The following DYSF variants were observed in gnomAD, a reference collection of about 807,000 sequenced individuals.
DYSF encodes the protein dysferlin.
A neutral mutation model predicts 274.9 loss-of-function variants in DYSF; 212 were observed. The ratio of observed to expected loss-of-function variants is 0.77; its 90% confidence interval spans 0.69 to 0.86. The LOEUF is 0.86. Ranked by LOEUF, DYSF falls within the 40% of genes least tolerant of loss-of-function variation. The probability of loss-of-function intolerance (pLI) is 0.00; values close to 1 mark genes in which losing one functional copy is unlikely to be tolerated. For synonymous variants in DYSF, 1,091 were observed against 1,078.7 expected (o/e 1.01, Z -0.22); for missense variants, 2,666 against 2,783.2 (o/e 0.96, Z 0.95).
chr2:71,568,304 TG>T lies in DYSF; in HGVS notation c.2833del (p.Ala945LeufsTer21), dbSNP rs727503909. 8.7e-6 allele frequency: 14 copies of T among 1,614,056 alleles called. No individual in the cohort carries two copies. The Admixed American group carries it at 2.0e-4, about 23-fold the overall frequency. On this transcript the variant is annotated frameshift_variant, in exon 26 of 56. Coordinates refer to ENST00000410020, the MANE Select transcript of DYSF (RefSeq NM_001130987.2). LOFTEE classifies it high-confidence loss of function. ...CTTCCGCCCCTCGGCCGGCTGGACC[TG>T]GGCTGGAGATTGGTTCGTGTGTCCG... ...DSFRPSAGWT[W>X]AGDWFVCPEK...
intron 22 of DYSF, among the ~76,000 whole-genome samples, chr2:71,558,845 C>T (rs1479896279): frequency 6.6e-6 from 1 of 152,098 alleles, no homozygotes; most frequent in Non-Finnish European, 1.5e-5. Context: ...GCAGCAGGAG[C>T]AATTCGCTCA....
chr2:71,459,821 C>T (rs1200199611), intron 1 of DYSF, among the ~76,000 whole-genome samples: 3 of 152,148 alleles, frequency 2.0e-5, no homozygotes, highest in Non-Finnish European at 2.9e-5. Flanking sequence ...CAGCACCTGT[C>T]ATCAGTGACT....
chr2:71,582,740 C>A (rs1465230272), intron 30 of DYSF, among the ~76,000 whole-genome samples: 1 of 152,126 alleles, frequency 6.6e-6, no homozygotes, highest in Non-Finnish European at 1.5e-5. Context: ...CCTGCCATGA[C>A]CAATTTCAAG....
chr2:71,591,454 G>C (rs541645347), intron 32 of DYSF, among the ~76,000 whole-genome samples: 1 of 152,370 alleles, frequency 6.6e-6, no homozygotes, highest in East Asian at 1.9e-4. Flanking sequence ...GATGGCTAAA[G>C]AACAAACACT....
intron 41 of DYSF, among the ~76,000 whole-genome samples, chr2:71,627,630 T>TTG (rs1365604412): frequency 6.6e-6 from 1 of 152,104 alleles, no homozygotes; most frequent in African/African-American, 2.4e-5. Context: ...CTCCTGATTT[T>TTG]TGTGTGTGTG....
chr2:71,564,276 C>G, intron 24 of DYSF, 63 bp downstream of exon 24: 14 of 1,600,326 alleles, frequency 8.7e-6, no homozygotes, highest in Non-Finnish European at 1.2e-5. Flanking sequence ...TTTCTCCCAT[C>G]TCTTCTGTTT....
chr2:71,661,190 C>T (rs2094875362), intron 45 of DYSF, among the ~76,000 whole-genome samples: 1 of 134,730 alleles, frequency 7.4e-6, no homozygotes, highest in Non-Finnish European at 1.6e-5. Flanking sequence ...TTTGCTAATT[C>T]TTTTTTTTTT....
At position 71,680,989 on chromosome 2, in the gene DYSF, C is replaced by CT. The variant is rs772475009; in HGVS notation, c.6064-11dup. 3.7e-6 allele frequency: 6 copies of CT among 1,613,592 alleles called. No individual in the cohort carries two copies. Among genetic ancestry groups the CT allele is most frequent in the Non-Finnish European group, 4.2e-6 (5 of 1,179,812 alleles). On this transcript the variant is annotated splice_polypyrimidine_tract_variant and intron_variant, in intron 53 of 55. Coordinates refer to ENST00000410020, the MANE Select transcript of DYSF (RefSeq NM_001130987.2). ...CTTCGTGCCCCTAACCAAGTGCTCT[C>CT]TGTCCCCTCAGGGCAAGCTGGAAAT...
chr2:71,501,437 A>G (rs770559661), intron 3 of DYSF, among the ~76,000 whole-genome samples: 35 of 152,212 alleles, frequency 2.3e-4, no homozygotes, highest in Non-Finnish European at 5.0e-4. Flanking sequence ...CATAAACGCT[A>G]CCATTTTAAC....
intron 33 of DYSF, among the ~76,000 whole-genome samples, chr2:71,600,127 G>T (rs978429264): frequency 2.0e-5 from 3 of 152,226 alleles, no homozygotes; most frequent in Non-Finnish European, 4.4e-5. Context: ...GCCCTGAGGG[G>T]GCTTGCCCCT....
At chr2:71,680,458 C>T (rs2095282068) in intron 53 of DYSF, among the ~76,000 whole-genome samples, 1 of 152,196 alleles carries the variant, frequency 6.6e-6, no homozygotes. Flanking sequence ...CATCCGACTT[C>T]TAAAATCCTT....
intron 41 of DYSF, among the ~76,000 whole-genome samples, chr2:71,642,782 G>C (rs746907825): frequency 7.9e-5 from 12 of 152,188 alleles, no homozygotes; most frequent in Non-Finnish European, 1.6e-4. Flanking sequence ...AGGAACCCTT[G>C]GCGGGGCACC....
intron 1 of DYSF, among the ~76,000 whole-genome samples, chr2:71,478,454 A>G (rs182271182): frequency 5.2e-4 from 79 of 151,960 alleles, no homozygotes; most frequent in African/African-American, 1.1e-3. Context: ...CTCGTGATCC[A>G]CCCACCTCAG....
chr2:71,508,753 C>T (rs2085764473), intron 4 of DYSF, among the ~76,000 whole-genome samples: 2 of 152,230 alleles, frequency 1.3e-5, no homozygotes, highest in Admixed American at 1.3e-4. Flanking sequence ...GCTAATCGTT[C>T]ATCTACTCCC....
At chr2:71,606,812 A>G (rs745477258) in intron 36 of DYSF, among the ~76,000 whole-genome samples, 1 of 152,182 alleles carries the variant, frequency 6.6e-6, no homozygotes. Flanking sequence ...AAGAAAGCCC[A>G]TTGAACCAGA....
At chr2:71,655,372 T>A (rs1248106015) in intron 42 of DYSF, among the ~76,000 whole-genome samples, 1 of 152,188 alleles carries the variant, frequency 6.6e-6, no homozygotes, top group East Asian at 1.9e-4. Context: ...GAGACAGAAT[T>A]TGAGCTGGGC....
intron 13 of DYSF, among the ~76,000 whole-genome samples, 151 bp from the exon 14 acceptor site, chr2:71,528,144 CCTT>C (rs1337126592): frequency 6.6e-6 from 1 of 152,170 alleles, no homozygotes; most frequent in East Asian, 1.9e-4. Flanking sequence ...AGACAGTCCT[CCTT>C]CTGGGGAGCC....
chr2:71,468,510 C>T (rs4274621), intron 1 of DYSF, among the ~76,000 whole-genome samples: 2 of 152,014 alleles, frequency 1.3e-5, no homozygotes, highest in African/African-American at 4.8e-5. Context: ...CTATTGCCCT[C>T]GCCCAAGTAC....
At chr2:71,590,030 G>C (rs2093211335) in intron 31 of DYSF, among the ~76,000 whole-genome samples, 181 bp from the exon 32 acceptor site, 1 of 152,140 alleles carries the variant, frequency 6.6e-6, no homozygotes, top group African/African-American at 2.4e-5. Flanking sequence ...TAATTAGTCA[G>C]GTGTCCGCTT....
Sources: allele counts gnomAD v4.1 joint callset (sites outside exome capture counted in the v4.1 genomes callset), GRCh38; gene constraint gnomAD v4.1.1; transcripts MANE v1.5; gene names NCBI Gene and HGNC (gene_info 2026-07-23, HGNC 2026-07-21).